The following AFMID variants were observed in gnomAD, a reference collection of about 807,000 sequenced individuals.
The protein encoded by AFMID is kynurenine formamidase.
In AFMID, 39 loss-of-function variants were observed where a neutral mutation model predicts 47.5. The observed-to-expected ratio is 0.82, with a 90% CI of 0.64 to 1.07. AFMID has a LOEUF of 1.07. Among genes scored for constraint, AFMID ranks in the 50% least tolerant of loss-of-function variants. The pLI is 0.00. For synonymous variants in AFMID, 130 were observed against 153.2 expected (o/e 0.85, Z 1.12); for missense variants, 375 against 387.5 (o/e 0.97, Z 0.27).
At chr17:78,198,277 G>A (rs976585716) in intron 2 of AFMID, among the ~76,000 whole-genome samples, 10 of 151,784 alleles carry the variant, frequency 6.6e-5, no homozygotes, top group South Asian at 2.1e-4. Flanking sequence ...GGCCAACACC[G>A]TGAAAACCCA....
At chr17:78,188,603 T>C (rs2075868810) in intron 1 of AFMID, among the ~76,000 whole-genome samples, 2 of 149,758 alleles carry the variant, frequency 1.3e-5, no homozygotes, top group Non-Finnish European at 3.0e-5. Flanking sequence ...TAATTTTTTT[T>C]TTTTTTCTTT....
intron 1 of AFMID, among the ~76,000 whole-genome samples, chr17:78,189,004 T>G (rs987769650): frequency 6.6e-6 from 1 of 152,042 alleles, no homozygotes. Context: ...AGTGCTGAGA[T>G]TACAGGTGTG....
chr17:78,203,091 C>CT lies in AFMID; in HGVS notation c.308+341dup, dbSNP rs548138197. On this transcript the variant is annotated intron_variant, in intron 4 of 10. Coordinates refer to ENST00000409257, the MANE Select transcript of AFMID (RefSeq NM_001010982.5). The stretch of plus-strand genomic sequence containing the variant: ...TTTTTTTTTTTTTTTGAGACAGAGT[C>CT]TCACTCTAACCCAGACTGGAACGCA... 3.5e-3 allele frequency: 887 copies of CT among 254,148 alleles called. 3 individuals are homozygous for CT. The highest frequency in any genetic ancestry group is 4.8e-3 in the Non-Finnish European group (677 of 140,698). 15.7% of individuals were successfully genotyped at this position (254,148 alleles called of 1,614,324 possible). A position where few individuals can be genotyped will look rare whatever the true frequency, so the allele number is the denominator to read the frequency against.
intron 2 of AFMID, among the ~76,000 whole-genome samples, chr17:78,199,275 C>T (rs73381534): frequency 0.051 from 7,759 of 152,294 alleles, 223 homozygotes; most frequent in African/African-American, 0.055. Flanking sequence ...AGACGCAATT[C>T]GTACAAGCTC....
Position 78,207,244 on chromosome 17 carries a change from G to T in AFMID, c.*307G>T. 7.8e-6 allele frequency: 2 copies of T among 257,460 alleles called. No individual in the cohort carries two copies. Among genetic ancestry groups the T allele is most frequent in the African/African-American group, 2.5e-5 (1 of 40,424 alleles). 15.9% of individuals were successfully genotyped at this position (257,460 alleles called of 1,614,324 possible). On this transcript the variant is annotated 3_prime_UTR_variant, in exon 11 of 11. Coordinates refer to ENST00000409257, the MANE Select transcript of AFMID (RefSeq NM_001010982.5). ...CTACCTGCTGACAGAGCATGACAAAGATGACGCTCAAAAGTAATGCCATTA... is the reference window on the plus strand; with the variant it reads ...CTACCTGCTGACAGAGCATGACAAATATGACGCTCAAAAGTAATGCCATTA...
chr17:78,198,759 A>C (rs993696357), intron 2 of AFMID, among the ~76,000 whole-genome samples: 2 of 152,134 alleles, frequency 1.3e-5, no homozygotes, highest in African/African-American at 4.8e-5. Flanking sequence ...CAGTGAGCCA[A>C]GATTGCACCA....
chr17:78,192,581 T>C (rs1208535121), intron 2 of AFMID: 1 of 469,276 alleles, frequency 2.1e-6, no homozygotes, highest in African/African-American at 2.0e-5. Flanking sequence ...CCCAAAGTGC[T>C]GGGATTACAG....
intron 2 of AFMID, among the ~76,000 whole-genome samples, chr17:78,199,922 A>G (rs1009052479): frequency 6.6e-6 from 1 of 152,140 alleles, no homozygotes; most frequent in African/African-American, 2.4e-5. Context: ...GAGGTGGAGC[A>G]TGGGCCTGCA....
At chr17:78,205,241 C>A in intron 7 of AFMID, 51 bp downstream of exon 7, 1 of 1,550,708 alleles carries the variant, frequency 6.4e-7, no homozygotes, top group Non-Finnish European at 8.8e-7. Context: ...TCCCCATGAG[C>A]CTTGGGGTTT....
In AFMID at chr17:78,204,886, G is replaced by A. The variant is rs769868212; in HGVS notation, c.453G>A (p.Arg151=). Residue 151 remains arginine (R), a synonymous_variant, in exon 6 of 11, where the codon CGG becomes CGA. Coordinates refer to ENST00000409257, the MANE Select transcript of AFMID (RefSeq NM_001010982.5). ...VTRSVAFVQK[R]YPSNKGIYLC... ...GCAGCGTTGCGTTTGTCCAGAAGCG[G>A]TATCCAAGCAACAAGTGGGTGTTGC... The A allele has an allele frequency of 1.9e-6, 3 of 1,614,214 alleles. No homozygotes were observed. Among genetic ancestry groups the A allele is most frequent in the Non-Finnish European group, 2.5e-6 (3 of 1,180,046 alleles).
intron 1 of AFMID, 63 bp from the exon 2 acceptor site, chr17:78,190,907 G>A (rs1204131493): frequency 1.1e-5 from 16 of 1,489,246 alleles, no homozygotes; most frequent in African/African-American, 4.2e-5. Context: ...GCATGGGCGA[G>A]GGGGAGGGGC....
At chr17:78,192,706 C>T in intron 2 of AFMID, 1 of 470,232 alleles carries the variant, frequency 2.1e-6, no homozygotes, top group Non-Finnish European at 4.4e-6. Context: ...CCTGTATCTG[C>T]AAAGTGCTGT....
chr17:78,204,631 C>T, intron 4 of AFMID, 25 bp from the exon 5 acceptor site: 2 of 1,613,526 alleles, frequency 1.2e-6, no homozygotes, highest in Non-Finnish European at 1.7e-6. Context: ...CTGCCTCCAG[C>T]TGTCACATCT....
chr17:78,206,832 C>T, intron 10 of AFMID, 79 bp from the exon 11 acceptor site: 1 of 1,529,928 alleles, frequency 6.5e-7, no homozygotes. Context: ...GCATCCAGCC[C>T]TGTCTCATTT....
At chr17:78,192,958 T>C (rs971888081) in intron 2 of AFMID, among the ~76,000 whole-genome samples, 1 of 152,190 alleles carries the variant, frequency 6.6e-6, no homozygotes, top group Admixed American at 6.6e-5. Context: ...ACCATCCTCC[T>C]GTCTCAATAG....
chr17:78,205,891 G>A, intron 9 of AFMID, 55 bp from the exon 10 acceptor site: 1 of 1,596,212 alleles, frequency 6.3e-7, no homozygotes, highest in Non-Finnish European at 8.6e-7. Flanking sequence ...CCCATGTCCT[G>A]CCCCACCTCC....
chr17:78,202,448 T>C (rs756348300), intron 2 of AFMID, 51 bp from the exon 3 acceptor site: 47 of 1,566,338 alleles, frequency 3.0e-5, no homozygotes, highest in Non-Finnish European at 3.9e-5. Context: ...AAAAGAAAAA[T>C]TTCTACCACC....
chr17:78,196,865 G>A (rs2076128336), intron 2 of AFMID, among the ~76,000 whole-genome samples: 2 of 152,296 alleles, frequency 1.3e-5, no homozygotes, highest in Non-Finnish European at 2.9e-5. Flanking sequence ...GTGTCTTGCT[G>A]AAGCCCTCCT....
chr17:78,199,143 G>A (rs543275801), intron 2 of AFMID, among the ~76,000 whole-genome samples: 10 of 152,362 alleles, frequency 6.6e-5, no homozygotes, highest in South Asian at 6.2e-4. Flanking sequence ...CCTCACTGGC[G>A]TTCTGCAAAG....
Sources: allele counts gnomAD v4.1 joint callset (sites outside exome capture counted in the v4.1 genomes callset), GRCh38; gene constraint gnomAD v4.1.1; transcripts MANE v1.5; gene names NCBI Gene and HGNC (gene_info 2026-07-23, HGNC 2026-07-21).